Variants in P2RY8 observed in about 807,000 individuals in gnomAD.
The protein encoded by P2RY8 is S-geranylgeranyl-glutathione receptor P2RY8.
A neutral mutation model predicts 10.0 loss-of-function variants in P2RY8; 6 were observed. The ratio of observed to expected loss-of-function variants is 0.60; its 90% confidence interval spans 0.33 to 1.19. The LOEUF (loss-of-function observed/expected upper bound fraction) is 1.19, where lower values mean the gene tolerates loss of function less well. Ranked by LOEUF, P2RY8 falls within the 50% of genes most tolerant of loss-of-function variation. P2RY8 has a pLI of 0.04. For synonymous variants in P2RY8, 276 were observed against 252.5 expected (o/e 1.09, Z -0.88); for missense variants, 456 against 542.0 (o/e 0.84, Z 1.58).
intron 1 of P2RY8, among the ~76,000 whole-genome samples, chrX:1,506,435 A>T (rs2092233997): frequency 6.6e-6 from 1 of 151,408 alleles, no homozygotes; most frequent in South Asian, 2.1e-4. Context: ...ATAGATGGAG[A>T]TGTCTCTTCT....
At chrX:1,527,076 G>A (rs1271912047) in intron 1 of P2RY8, among the ~76,000 whole-genome samples, 1 of 152,034 alleles carries the variant, frequency 6.6e-6, no homozygotes, top group African/African-American at 2.4e-5. Context: ...GTATTTTTTA[G>A]TAGAGACGGG....
intron 1 of P2RY8, among the ~76,000 whole-genome samples, chrX:1,530,699 A>C (rs1286321568): frequency 5.3e-5 from 8 of 150,760 alleles, no homozygotes; most frequent in East Asian, 4.1e-4. Context: ...ATGCATCTAT[A>C]TATCTATCTA....
At chrX:1,489,084 A>G (rs1327727380) in intron 1 of P2RY8, among the ~76,000 whole-genome samples, 1 of 152,062 alleles carries the variant, frequency 6.6e-6, no homozygotes, top group African/African-American at 2.4e-5. Flanking sequence ...GCAGGGAAAG[A>G]ATGAATGACA....
intron 1 of P2RY8, among the ~76,000 whole-genome samples, chrX:1,506,835 G>A (rs1181186513): frequency 5.3e-5 from 8 of 151,766 alleles, no homozygotes; most frequent in South Asian, 2.1e-4. Flanking sequence ...CCGCCACCAC[G>A]CCCGGCTAAT....
At chrX:1,521,934 CTCTCGCTCTCTTTTTTTTTTTTTTTTT>C (rs1373913923) in intron 1 of P2RY8, among the ~76,000 whole-genome samples, 10 of 131,016 alleles carry the variant, frequency 7.6e-5, no homozygotes, top group African/African-American at 1.2e-4. Context: ...TTCTCTTTCT[CTCTCGCTCTCTTTTTTTTTTTTTTTTT>C]TTTTTTTTGA....
At chrX:1,531,448 G>T (rs2092474959) in intron 1 of P2RY8, among the ~76,000 whole-genome samples, 1 of 152,070 alleles carries the variant, frequency 6.6e-6, no homozygotes, top group Non-Finnish European at 1.5e-5. Context: ...CAATGTCCAG[G>T]CCCCCTCCCA....
At chrX:1,512,489 G>A (rs1286794770) in intron 1 of P2RY8, among the ~76,000 whole-genome samples, 11 of 150,156 alleles carry the variant, frequency 7.3e-5, no homozygotes, top group Non-Finnish European at 1.6e-4. Flanking sequence ...GGAGGTTGCA[G>A]TGGGCTGAGA....
chrX:1,511,143 G>A (rs1167692701), intron 1 of P2RY8, among the ~76,000 whole-genome samples: 1 of 152,130 alleles, frequency 6.6e-6, no homozygotes, highest in Non-Finnish European at 1.5e-5. Context: ...TCGCACCACT[G>A]CACTCCAGCC....
At chrX:1,478,937 TCCTAATAAAA>T (rs1341841351) in intron 1 of P2RY8, among the ~76,000 whole-genome samples, 2 of 152,050 alleles carry the variant, frequency 1.3e-5, no homozygotes, top group East Asian at 3.9e-4. Context: ...CTGCAACTTA[TCCTAATAAAA>T]CCGGGGTTGA....
At chrX:1,507,942 G>A (rs5989778) in intron 1 of P2RY8, among the ~76,000 whole-genome samples, 15,658 of 152,064 alleles carry the variant, frequency 0.1, 895 homozygotes, top group Non-Finnish European at 0.13. Context: ...CTTTGCAGCC[G>A]GGCGGGACCA....
rs182881248 is a variant in P2RY8, at chrX:1,508,516, T to A, written c.-25+28405A>T. Among the ~76,000 whole-genome samples the A allele has an allele frequency of 7.2e-5, 11 of 152,286 alleles. No homozygotes were observed. In the East Asian group the frequency reaches 1.5e-3, roughly 21 times the overall value. ...CATGAGAGACTCCTTATATTGGTTA[T>A]CTATGTATCCATCTATGTATCTACC... On this transcript the variant is annotated intron_variant, in intron 1 of 1. Coordinates refer to ENST00000381297, the MANE Select transcript of P2RY8 (RefSeq NM_178129.5).
chrX:1,505,892 G>C (rs1464390458), intron 1 of P2RY8, among the ~76,000 whole-genome samples: 1 of 151,844 alleles, frequency 6.6e-6, no homozygotes, highest in Non-Finnish European at 1.5e-5. Flanking sequence ...AAAATTCCTT[G>C]AGTATTGCAT....
At chrX:1,501,295 G>C (rs1251302054) in intron 1 of P2RY8, among the ~76,000 whole-genome samples, 1 of 152,174 alleles carries the variant, frequency 6.6e-6, no homozygotes, top group Non-Finnish European at 1.5e-5. Context: ...CCCTGTGACG[G>C]TGCTTTGCAG....
chrX:1,469,735 C>CA (rs757872042), intron 1 of P2RY8, among the ~76,000 whole-genome samples: 3,390 of 151,510 alleles, frequency 0.022, 61 homozygotes, highest in Non-Finnish European at 0.035. Context: ...ACTAAAAAAA[C>CA]AAAAAAACAA....
chrX:1,521,062 G>A (rs1161094348), intron 1 of P2RY8, among the ~76,000 whole-genome samples: 2 of 113,296 alleles, frequency 1.8e-5, no homozygotes, highest in Admixed American at 1.2e-4. Flanking sequence ...TTGAGACAGA[G>A]TCTCACACTG....
chrX:1,487,845 T>G (rs1230036023), intron 1 of P2RY8, among the ~76,000 whole-genome samples: 2 of 152,104 alleles, frequency 1.3e-5, no homozygotes, highest in African/African-American at 4.8e-5. Flanking sequence ...GCGCGGTGGC[T>G]CACGCCTGTC....
At chrX:1,507,403 C>T (rs1392741908) in intron 1 of P2RY8, among the ~76,000 whole-genome samples, 1 of 152,058 alleles carries the variant, frequency 6.6e-6, no homozygotes, top group African/African-American at 2.4e-5. Context: ...CCTCATCTCT[C>T]GTTGGATGAG....
chrX:1,500,270 T>C (rs1383318821), intron 1 of P2RY8, among the ~76,000 whole-genome samples: 2 of 151,920 alleles, frequency 1.3e-5, no homozygotes, highest in Non-Finnish European at 2.9e-5. Context: ...ATTGTTTTCT[T>C]ATTCTCTTAT....
intron 1 of P2RY8, among the ~76,000 whole-genome samples, chrX:1,474,946 T>A (rs1472268178): frequency 1.5e-5 from 2 of 133,342 alleles, no homozygotes; most frequent in African/African-American, 5.9e-5. Context: ...GTTTAGGTGG[T>A]TGGACGTGTG....
Sources: allele counts gnomAD v4.1 joint callset (sites outside exome capture counted in the v4.1 genomes callset), GRCh38; gene constraint gnomAD v4.1.1; transcripts MANE v1.5; gene names NCBI Gene and HGNC (gene_info 2026-07-23, HGNC 2026-07-21).